TTC28: variants seen among roughly 807,000 people sequenced by gnomAD.
TTC28 encodes tetratricopeptide repeat protein 28.
TTC28 carries 61 observed loss-of-function variants against 198.0 expected under a neutral mutation model. The ratio of observed to expected loss-of-function variants is 0.31; its 90% CI spans 0.25 to 0.38. The LOEUF is 0.38. Among genes scored for constraint, TTC28 ranks in the 10% least tolerant of loss-of-function variants. TTC28 has a pLI of 1.00. For synonymous variants in TTC28, 1,171 were observed against 1,297.8 expected (o/e 0.90, Z 2.10); for missense variants, 2,678 against 3,164.0 (o/e 0.85, Z 3.69).
intron 2 of TTC28, among the ~76,000 whole-genome samples, chr22:28,538,048 T>C (rs866273621): frequency 1.3e-5 from 2 of 152,206 alleles, no homozygotes; most frequent in African/African-American, 4.8e-5. Context: ...ATGTGTGTCA[T>C]TGCATACATA....
In TTC28 at chr22:28,530,303, G is replaced by T. The variant is rs563482939; in HGVS notation, c.381+99249C>A. On this transcript the variant is annotated intron_variant, in intron 2 of 22. Transcript: ENST00000397906. The stretch of plus-strand genomic sequence containing the variant: ...GCCGATTCGATCAAGTGGAAGAAAG[G>T]GTATCAGTGATTGAAGATCAAATGA... 2.0e-4 allele frequency among the ~76,000 whole-genome samples: 31 copies of T among 152,188 alleles called. No individual in the cohort carries two copies. In the East Asian group the frequency reaches 5.2e-3, roughly 26 times the overall value.
At chr22:28,602,279 A>G (rs2050651783) in intron 2 of TTC28, among the ~76,000 whole-genome samples, 1 of 152,196 alleles carries the variant, frequency 6.6e-6, no homozygotes, top group Admixed American at 6.5e-5. Context: ...CAGCTTAACT[A>G]TCTAAACTAG....
At chr22:28,228,917 G>A (rs1380515035) in intron 5 of TTC28, among the ~76,000 whole-genome samples, 2 of 152,140 alleles carry the variant, frequency 1.3e-5, no homozygotes, top group South Asian at 4.1e-4. Context: ...ACCATTTTGG[G>A]AGCCTCAGGC....
At chr22:28,567,471 CATACATACATAT>C (rs1302845922) in intron 2 of TTC28, among the ~76,000 whole-genome samples, 1 of 27,100 alleles carries the variant, frequency 3.7e-5, no homozygotes, top group African/African-American at 1.0e-4. Context: ...CACGCATATA[CATACATACATAT>C]ATATATATAT....
intron 2 of TTC28, among the ~76,000 whole-genome samples, chr22:28,606,822 G>C (rs1316713915): frequency 1.3e-5 from 2 of 152,016 alleles, no homozygotes; most frequent in Admixed American, 1.3e-4. Flanking sequence ...AGATAAACAG[G>C]TAATAACAAT....
At chr22:28,657,011 T>TAC (rs559233372) in intron 1 of TTC28, among the ~76,000 whole-genome samples, 9 of 152,186 alleles carry the variant, frequency 5.9e-5, no homozygotes, top group Non-Finnish European at 1.2e-4. Flanking sequence ...TTTATTATGC[T>TAC]ACACACACAC....
chr22:28,304,145 C>T (rs1197694163), intron 3 of TTC28, among the ~76,000 whole-genome samples: 1 of 151,982 alleles, frequency 6.6e-6, no homozygotes, highest in Non-Finnish European at 1.5e-5. Flanking sequence ...ATTAGCCAGA[C>T]GTGGTGGCGG....
rs183667548 is a variant in TTC28, at chr22:28,310,969, G to A, written c.382-4326C>T. ...TAACTTTTTAATTTTTAGTGGAGGC[G>A]GGGTTTCACCATGTTGGCCAGGCTG... On this transcript the variant is annotated intron_variant, in intron 2 of 22. Transcript: ENST00000397906. Among the ~76,000 whole-genome samples, 295 of 151,950 alleles carry A rather than the reference G, an allele frequency of 1.9e-3. 5 individuals carry two copies. The highest frequency in any genetic ancestry group is 0.018 in the Admixed American group (275 of 15,242).
chr22:28,278,093 A>G (rs1601568798), intron 5 of TTC28, among the ~76,000 whole-genome samples: 1 of 152,142 alleles, frequency 6.6e-6, no homozygotes, highest in South Asian at 2.1e-4. Flanking sequence ...ACTCTCAGCT[A>G]TTGGTTCAAT....
At chr22:28,134,410 C>T (rs904831222) in intron 6 of TTC28, among the ~76,000 whole-genome samples, 7 of 152,014 alleles carry the variant, frequency 4.6e-5, no homozygotes, top group Admixed American at 1.3e-4. Context: ...CAAACTTCTC[C>T]GAACTAAAGG....
intron 1 of TTC28, among the ~76,000 whole-genome samples, chr22:28,643,809 A>C (rs775748902): frequency 1.3e-5 from 2 of 152,196 alleles, no homozygotes; most frequent in Non-Finnish European, 2.9e-5. Flanking sequence ...TAAGGATAAG[A>C]ATTATTATAA....
chr22:28,314,944 G>T (rs991074731), intron 2 of TTC28, among the ~76,000 whole-genome samples: 11 of 152,158 alleles, frequency 7.2e-5, no homozygotes, highest in African/African-American at 2.4e-4. Context: ...GCAGTCTTTT[G>T]TATAGGTCGC....
At chr22:28,329,198 T>C (rs904108909) in intron 2 of TTC28, among the ~76,000 whole-genome samples, 35 of 152,280 alleles carry the variant, frequency 2.3e-4, no homozygotes, top group Middle Eastern at 3.4e-3. Context: ...TGTATAGATA[T>C]ATGTATGTAT....
intron 12 of TTC28, 147 bp from the exon 13 acceptor site, chr22:28,030,513 A>G: frequency 1.0e-6 from 1 of 973,208 alleles, no homozygotes; most frequent in East Asian, 2.6e-5. Context: ...CTCCCTCCTC[A>G]GTGTCCCTGA....
chr22:28,475,928 T>C (rs1033883277), intron 2 of TTC28, among the ~76,000 whole-genome samples: 1 of 152,158 alleles, frequency 6.6e-6, no homozygotes, highest in Non-Finnish European at 1.5e-5. Flanking sequence ...CCTACAATAA[T>C]TGCAAAAATT....
chr22:28,523,210 C>T (rs2048942418), intron 2 of TTC28, among the ~76,000 whole-genome samples: 1 of 152,176 alleles, frequency 6.6e-6, no homozygotes, highest in African/African-American at 2.4e-5. Context: ...ACAGCTACAT[C>T]AGTATCAAAC....
chr22:28,078,074 C>T (rs1486430356), intron 12 of TTC28, among the ~76,000 whole-genome samples: 1 of 152,218 alleles, frequency 6.6e-6, no homozygotes, highest in Non-Finnish European at 1.5e-5. Flanking sequence ...TCAATCTACG[C>T]CTCTTTTGAT....
intron 1 of TTC28, among the ~76,000 whole-genome samples, chr22:28,676,326 T>C (rs1269608903): frequency 6.6e-6 from 1 of 152,158 alleles, no homozygotes; most frequent in African/African-American, 2.4e-5. Flanking sequence ...AGACAGAAAG[T>C]AGGCTAGTTA....
chr22:28,210,939 G>C (rs1009729699), intron 5 of TTC28, among the ~76,000 whole-genome samples: 5 of 152,274 alleles, frequency 3.3e-5, no homozygotes, highest in East Asian at 1.9e-4. Context: ...GCTGATCTCA[G>C]GACAGAAACT....
Sources: allele counts gnomAD v4.1 joint callset (sites outside exome capture counted in the v4.1 genomes callset), GRCh38; gene constraint gnomAD v4.1.1; transcripts MANE v1.5; gene names NCBI Gene and HGNC (gene_info 2026-07-23, HGNC 2026-07-21).